The following PTPRU variants were observed in gnomAD, a reference collection of about 807,000 sequenced individuals.
The protein encoded by PTPRU is receptor-type tyrosine-protein phosphatase U.
A neutral mutation model predicts 166.3 loss-of-function variants in PTPRU; 69 were observed. The observed-to-expected ratio is 0.41, with a 90% CI of 0.34 to 0.51. The LOEUF is 0.51. Among genes scored for constraint, PTPRU ranks in the 20% least tolerant of loss-of-function variants. The pLI is 0.09. For synonymous variants in PTPRU, 793 were observed against 814.0 expected (o/e 0.97, Z 0.44); for missense variants, 1,657 against 2,013.7 (o/e 0.82, Z 3.39).
Position 29,260,106 on chromosome 1 carries a change from GGGGCGGGCTCTGCCCGGGGGCGT to G in PTPRU, c.850+65_850+87del, listed in dbSNP as rs1684983817. 3 of 1,346,062 alleles carry G rather than the reference GGGGCGGGCTCTGCCCGGGGGCGT, an allele frequency of 2.2e-6. No homozygotes were observed. The highest frequency in any genetic ancestry group is 1.9e-6 in the Non-Finnish European group (2 of 1,052,548). The allele number at this position is 1,346,062 out of a possible 1,614,324, so 83.4% of individuals were successfully genotyped here. A position where few individuals can be genotyped will look rare whatever the true frequency, so the allele number is the denominator to read the frequency against. ...CCCTCGAGGGGCGGGGCCGGCGACG[GGGGCGGGCTCTGCCCGGGGGCGT>G]GGCCGTGGGGGGTGGGGCCGGCAGG... On this transcript the variant is annotated intron_variant, in intron 6 of 29. Coordinates refer to ENST00000373779, the MANE Select transcript of PTPRU (RefSeq NM_133178.4). The surrounding 1 kb of genome is among the most constrained non-coding windows in gnomAD (Gnocchi z 8.3).
intron 15 of PTPRU, among the ~76,000 whole-genome samples, chr1:29,299,277 T>C (rs1574688370): frequency 1.3e-5 from 2 of 152,266 alleles, no homozygotes; most frequent in Admixed American, 1.3e-4. Flanking sequence ...TGTTCCACAG[T>C]CACGATGGTG....
rs146255309 is a variant in PTPRU at position 29,246,620 on chromosome 1, A to AT, written c.74-8642dup. Among the ~76,000 whole-genome samples, 348 of 143,408 alleles carry AT rather than the reference A, an allele frequency of 2.4e-3. 2 individuals carry two copies. The highest frequency in any genetic ancestry group is 0.011 in the Middle Eastern group (3 of 272). The allele number at this position is 143,408 out of a possible 152,430, so 94.1% of individuals were successfully genotyped here. ...AATCCACTGGTTCCACACAGCATCTATTTTTTTTTTTTTAAGATGGAATCT... is the reference window on the plus strand; with the variant it reads ...AATCCACTGGTTCCACACAGCATCTATTTTTTTTTTTTTTAAGATGGAATCT... On this transcript the variant is annotated intron_variant, in intron 1 of 29. Transcript: ENST00000373779.
chr1:29,291,560 C>T lies in PTPRU; in HGVS notation c.2319-309C>T, dbSNP rs1158042872. On this transcript the variant is annotated intron_variant, in intron 14 of 29. Coordinates refer to ENST00000373779, the MANE Select transcript of PTPRU (RefSeq NM_133178.4). The surrounding 1 kb of genome is among the most constrained non-coding windows in gnomAD (Gnocchi z 4.1). ...ATTAGCCCTGGAGTGACTTTCTTTC[C>T]CATTTCCTAAGCCCAGGGGGCCAGT... Among the ~76,000 whole-genome samples, 4 of 152,146 alleles carry T rather than the reference C, an allele frequency of 2.6e-5. No homozygotes were observed. The highest frequency in any genetic ancestry group is 4.4e-5 in the Non-Finnish European group (3 of 68,024).
intron 25 of PTPRU, among the ~76,000 whole-genome samples, chr1:29,319,160 G>C (rs1688035646): frequency 6.6e-6 from 1 of 152,098 alleles, no homozygotes; most frequent in African/African-American, 2.4e-5. Context: ...ATGCTCGCCG[G>C]GGGACATCTG....
intron 25 of PTPRU, among the ~76,000 whole-genome samples, chr1:29,319,540 G>T (rs1688054299): frequency 6.6e-6 from 1 of 152,242 alleles, no homozygotes; most frequent in African/African-American, 2.4e-5. Flanking sequence ...GGTCAAGTCT[G>T]CAAGGAGCCC....
chr1:29,323,299 G>A, intron 26 of PTPRU, 72 bp from the exon 27 acceptor site: 1 of 1,549,728 alleles, frequency 6.5e-7, no homozygotes, highest in South Asian at 1.2e-5. Context: ...GGAGCCCTTG[G>A]GGTGGGCATG....
chr1:29,293,548 C>T (rs1185857232), intron 15 of PTPRU, among the ~76,000 whole-genome samples: 1 of 150,698 alleles, frequency 6.6e-6, no homozygotes, highest in Non-Finnish European at 1.5e-5. Flanking sequence ...AATCTCCGCT[C>T]ACTGCAAGCT....
At chr1:29,294,005 C>T (rs561972963) in intron 15 of PTPRU, among the ~76,000 whole-genome samples, 172 of 152,266 alleles carry the variant, frequency 1.1e-3, no homozygotes, top group Middle Eastern at 6.8e-3. Flanking sequence ...CATGGGCATT[C>T]GATTGGTTTT....
rs1328607461 is a variant in PTPRU at position 29,311,427 on chromosome 1, G to T, written c.2858-29G>T. 6.2e-7 allele frequency: 1 copy of T among 1,607,958 alleles called. No homozygotes were observed. The highest frequency in any genetic ancestry group is 8.5e-7 in the Non-Finnish European group (1 of 1,175,208). On this transcript the variant is annotated intron_variant, in intron 19 of 29. Transcript: ENST00000373779. The surrounding 1 kb of genome is among the most constrained non-coding windows in gnomAD (Gnocchi z 4.1). ...ACCTGGGGTGGAGACCTTGTCTCAG[G>T]GACAGGCACCCTCTGCCTGCATCCC...
At chr1:29,293,729 C>A (rs567137927) in intron 15 of PTPRU, among the ~76,000 whole-genome samples, 5 of 152,318 alleles carry the variant, frequency 3.3e-5, no homozygotes, top group Non-Finnish European at 7.3e-5. Context: ...CTGCCTCGAC[C>A]TCCCAAAGTG....
At chr1:29,305,663 G>A (rs1574702092) in intron 18 of PTPRU, 1 of 710,550 alleles carries the variant, frequency 1.4e-6, no homozygotes, top group South Asian at 1.4e-5. Context: ...CTTTAGAGAA[G>A]CAAAGCAAAG....
Position 29,280,840 on chromosome 1 carries a change from G to GC in PTPRU, c.1868+700dup, listed in dbSNP as rs1291411831. On this transcript the variant is annotated intron_variant, in intron 11 of 29. Coordinates refer to ENST00000373779, the MANE Select transcript of PTPRU (RefSeq NM_133178.4). This position sits in a 1 kb window ranked among gnomAD's most constrained non-coding sequence, Gnocchi z 4.2. ...GCACGTACTGTTAGCCAGACCCCGT[G>GC]CTAGGGGCTTTATCTGCATGAAGCC... is the stretch of plus-strand genomic sequence containing the variant. 6.6e-6 allele frequency among the ~76,000 whole-genome samples: 1 copy of GC among 152,162 alleles called. No homozygotes were observed. Among genetic ancestry groups the GC allele is most frequent in the Non-Finnish European group, 1.5e-5 (1 of 68,026 alleles).
At chr1:29,240,638 C>T (rs1275740632) in intron 1 of PTPRU, among the ~76,000 whole-genome samples, 5 of 152,076 alleles carry the variant, frequency 3.3e-5, no homozygotes, top group African/African-American at 9.7e-5. Flanking sequence ...CTGAAGGGAA[C>T]GGGCCTCCTG....
chr1:29,302,099 G>A (rs552871650), intron 15 of PTPRU, among the ~76,000 whole-genome samples: 116 of 151,804 alleles, frequency 7.6e-4, no homozygotes, highest in African/African-American at 2.6e-3. Context: ...TGTGGAGGTG[G>A]AAGACAGCGA....
At chr1:29,308,175 T>A (rs986623892) in intron 18 of PTPRU, among the ~76,000 whole-genome samples, 4 of 152,016 alleles carry the variant, frequency 2.6e-5, no homozygotes, top group African/African-American at 9.7e-5. Flanking sequence ...AGGGGTGTGA[T>A]CATGGCTCAC....
intron 8 of PTPRU, 146 bp from the exon 9 acceptor site, chr1:29,278,865 TC>T: frequency 1.6e-6 from 1 of 620,326 alleles, no homozygotes; most frequent in Non-Finnish European, 2.8e-6. Flanking sequence ...GTTATATCAT[TC>T]CCACTTCACA....
Position 29,325,673 on chromosome 1 carries a change from C to T in PTPRU, c.*12C>T. On this transcript the variant is annotated 3_prime_UTR_variant, in exon 30 of 30. Coordinates refer to ENST00000373779, the MANE Select transcript of PTPRU (RefSeq NM_133178.4). ...TGGAGTCAAGATAGCGGGGCCCTGG[C>T]CTGGGGCACCCACTGCACACTCAGG... 3.8e-6 allele frequency: 6 copies of T among 1,590,228 alleles called. No individual in the cohort carries two copies. The highest frequency in any genetic ancestry group is 5.1e-6 in the Non-Finnish European group (6 of 1,165,118).
chr1:29,304,159 T>A, intron 16 of PTPRU, 114 bp downstream of exon 16: 1 of 1,246,136 alleles, frequency 8.0e-7, no homozygotes, highest in Non-Finnish European at 1.1e-6. Context: ...ACGCCTGCTC[T>A]GACAGTTTCC....
Position 29,325,060 on chromosome 1 carries a change from C to T in PTPRU, c.4113-131C>T, listed in dbSNP as rs969775452. On this transcript the variant is annotated intron_variant, in intron 28 of 29. Transcript: ENST00000373779. Reference sequence around the variant, plus strand: ...CGCCCCTCACCTCTGGGCTCTCTGCCCCACCCTTCTAGATTCCCTAGCTCC... The same window carrying T: ...CGCCCCTCACCTCTGGGCTCTCTGCTCCACCCTTCTAGATTCCCTAGCTCC... 4.0e-4 allele frequency: 506 copies of T among 1,279,206 alleles called. 2 individuals are homozygous for T. Among genetic ancestry groups the T allele is most frequent in the Non-Finnish European group, 5.1e-4 (462 of 911,746 alleles). 79.2% of individuals were successfully genotyped at this position (1,279,206 alleles called of 1,614,324 possible).
Sources: allele counts gnomAD v4.1 joint callset (sites outside exome capture counted in the v4.1 genomes callset), GRCh38; gene constraint gnomAD v4.1.1; non-coding constraint Gnocchi (gnomAD v3.1); transcripts MANE v1.5; gene names NCBI Gene and HGNC (gene_info 2026-07-23, HGNC 2026-07-21).